USP9Y: variants seen among roughly 807,000 people sequenced by gnomAD.
USP9Y encodes the protein ubiquitin carboxyl-terminal hydrolase 9Y.
USP9Y carries 41 observed loss-of-function variants against 53.1 expected under a neutral mutation model. That is an observed-to-expected ratio of 0.77 (90% CI 0.60 to 1.00). USP9Y has a LOEUF of 1.00. USP9Y is among the 50% of genes least tolerant of loss of function. The pLI, the probability that USP9Y is intolerant of heterozygous loss-of-function variation, is 0.00. For missense variants in USP9Y, 567 were observed against 535.8 expected, an observed-to-expected ratio of 1.06 and a Z score of -0.58; for synonymous variants, 220 against 173.7, an observed-to-expected ratio of 1.27 and a Z score of -2.09.
intron 45 of USP9Y, among the ~76,000 whole-genome samples, chrY:12,858,185 C>T (rs2053579480): frequency 3.0e-5 from 1 of 33,157 alleles, no homozygotes; most frequent in Admixed American, 2.8e-4. Flanking sequence ...GAAGATTAGC[C>T]GCAAATGTGG....
chrY:12,825,807 G>A, intron 33 of USP9Y, among the ~76,000 whole-genome samples: 1 of 33,220 alleles, frequency 3.0e-5, no homozygotes, highest in Admixed American at 2.7e-4. Flanking sequence ...AACACCATTA[G>A]AGCATCACAG....
chrY:12,703,941 G>T (rs2053418012), intron 1 of USP9Y, among the ~76,000 whole-genome samples: 1 of 33,491 alleles, frequency 3.0e-5, no homozygotes, highest in Non-Finnish European at 7.4e-5. Context: ...AGTGCTGATT[G>T]GTACATTTAC....
chrY:12,745,015 G>A (rs2053459769), intron 12 of USP9Y, among the ~76,000 whole-genome samples: 1 of 33,778 alleles, frequency 3.0e-5, no homozygotes, highest in Non-Finnish European at 7.4e-5. Context: ...GCCAGAGATG[G>A]CTGGTTAGTT....
At chrY:12,727,714 C>T in intron 7 of USP9Y, among the ~76,000 whole-genome samples, 2 of 30,871 alleles carry the variant, frequency 6.5e-5, no homozygotes, top group Non-Finnish European at 1.6e-4. Flanking sequence ...TGCGTGTGCT[C>T]ACACACACAC....
intron 11 of USP9Y, 142 bp from the exon 12 acceptor site, chrY:12,739,383 T>C: frequency 8.4e-6 from 1 of 118,623 alleles, no homozygotes. Context: ...TATTAAGAAT[T>C]CTGTTAATTA....
chrY:12,792,155 G>T, intron 26 of USP9Y, among the ~76,000 whole-genome samples: 1 of 34,043 alleles, frequency 2.9e-5, no homozygotes, highest in African/African-American at 1.1e-4. Flanking sequence ...ACATGGTGGC[G>T]CATGCCTGTC....
rs1603201601 is a variant in USP9Y at position 12,810,245 on chromosome Y, G to A, written c.4050G>A (p.Arg1350=). 1 of 398,527 alleles carries A rather than the reference G, an allele frequency of 2.5e-6. No individual in the cohort carries two copies. Among genetic ancestry groups the A allele is most frequent in the South Asian group, 3.0e-5 (1 of 33,786 alleles). Residue 1350 remains arginine (R), a synonymous_variant, in exon 28 of 46, where the codon AGG becomes AGA. Transcript: ENST00000338981. ...GCACCAGATGTTGCATGGGACACAG[G>A]CCTCTGCTTTTCTTCATTACTTTAC... ...LMCTRCCMGH[R]PLLFFITLLF...
chrY:12,714,251 C>T, intron 3 of USP9Y, among the ~76,000 whole-genome samples: 1 of 30,502 alleles, frequency 3.3e-5, no homozygotes, highest in Non-Finnish European at 7.8e-5. Flanking sequence ...AATTTTTTAA[C>T]GAGTGCATCA....
At chrY:12,753,057 G>A in intron 12 of USP9Y, among the ~76,000 whole-genome samples, 1 of 33,378 alleles carries the variant, frequency 3.0e-5, no homozygotes, top group African/African-American at 1.2e-4. Context: ...GTTCACTGCA[G>A]CTTTGACTTC....
chrY:12,737,648 T>C, intron 10 of USP9Y, among the ~76,000 whole-genome samples: 2 of 33,578 alleles, frequency 6.0e-5, no homozygotes, highest in African/African-American at 1.2e-4. Context: ...TTATTACTGG[T>C]TCTTGAGAGA....
At chrY:12,834,424 C>A (rs2148291368) in intron 34 of USP9Y, among the ~76,000 whole-genome samples, 1 of 33,006 alleles carries the variant, frequency 3.0e-5, no homozygotes, top group Non-Finnish European at 7.5e-5. Context: ...GTGGAAGACT[C>A]CAGAAATAAA....
intron 12 of USP9Y, among the ~76,000 whole-genome samples, chrY:12,754,128 G>GTA (rs1603197833): frequency 7.0e-5 from 2 of 28,759 alleles, no homozygotes; most frequent in South Asian, 7.7e-4. Context: ...TTATGTATAT[G>GTA]TATATATATA....
intron 39 of USP9Y, among the ~76,000 whole-genome samples, chrY:12,845,036 A>G (rs2053565268): frequency 3.0e-5 from 1 of 32,861 alleles, no homozygotes; most frequent in Non-Finnish European, 7.4e-5. Context: ...TATACAGTGA[A>G]GAATACAGAA....
chrY:12,788,122 G>T, intron 24 of USP9Y, among the ~76,000 whole-genome samples: 1 of 33,977 alleles, frequency 2.9e-5, no homozygotes. Flanking sequence ...GTAAGATGTT[G>T]TAGTACTTTC....
At chrY:12,725,409 T>TA (rs2053441268) in intron 6 of USP9Y, among the ~76,000 whole-genome samples, 184 bp downstream of exon 6, 1 of 33,842 alleles carries the variant, frequency 3.0e-5, no homozygotes, top group Middle Eastern at 0.014. Flanking sequence ...AACCTTTGTT[T>TA]AACCTGTCCC....
chrY:12,837,762 G>T, intron 34 of USP9Y, 149 bp from the exon 35 acceptor site: 2 of 137,476 alleles, frequency 1.5e-5, no homozygotes, highest in Non-Finnish European at 2.7e-5. Flanking sequence ...GGGATCCCTG[G>T]CATAAGCCCA....
intron 34 of USP9Y, among the ~76,000 whole-genome samples, chrY:12,837,359 T>G (rs964892436): frequency 9.4e-5 from 3 of 32,047 alleles, no homozygotes; most frequent in African/African-American, 3.7e-4. Context: ...TACTGTGCCC[T>G]TTATTTCTGT....
intron 27 of USP9Y, among the ~76,000 whole-genome samples, chrY:12,794,351 G>C: frequency 5.9e-5 from 2 of 33,678 alleles, no homozygotes; most frequent in African/African-American, 2.3e-4. Context: ...TTTTTGTAGT[G>C]AGTTTCTGTA....
chrY:12,842,482 T>C lies in USP9Y; in HGVS notation c.6438+17T>C. The C allele has an allele frequency of 8.2e-6, 3 of 366,781 alleles. No individual in the cohort carries two copies. Among genetic ancestry groups the C allele is most frequent in the Non-Finnish European group, 1.2e-5 (3 of 258,203 alleles). 91.5% of individuals were successfully genotyped at this position (366,781 alleles called of 400,897 possible). On this transcript the variant is annotated intron_variant, in intron 38 of 45. Coordinates refer to ENST00000338981, the MANE Select transcript of USP9Y (RefSeq NM_004654.4). ...TCTAGTCAGGTAATTGCATGGCTTT[T>C]TTTTTTTTTTAAGCAATTAAATACT...
Sources: allele counts gnomAD v4.1 joint callset (sites outside exome capture counted in the v4.1 genomes callset), GRCh38; gene constraint gnomAD v4.1.1; transcripts MANE v1.5; gene names NCBI Gene and HGNC (gene_info 2026-07-23, HGNC 2026-07-21).